The following SKI variants were observed in gnomAD, a reference collection of about 807,000 sequenced individuals.
The protein encoded by SKI is ski oncogene.
Under a neutral mutation model 59.3 loss-of-function variants are expected in SKI, and 23 were observed. That is an observed-to-expected ratio of 0.39 (90% CI 0.28 to 0.55). The LOEUF is 0.55. SKI is among the 20% of genes least tolerant of loss of function. The probability of loss-of-function intolerance (pLI) is 0.67; values close to 1 mark genes in which losing one functional copy is unlikely to be tolerated. For missense variants in SKI, 1,017 were observed against 1,038.9 expected, an observed-to-expected ratio of 0.98 and a Z score of 0.29; for synonymous variants, 673 against 488.6, an observed-to-expected ratio of 1.38 and a Z score of -4.98.
rs1233215789 is a variant in SKI, at chr1:2,229,659, C to T, written c.893C>T (p.Ala298Val). ...SQDYTGKEEQ[A>V]RLGRCLDDVK... ...GATTACACGGGCAAGGAGGAGCAGG[C>T]GCGCCTCGGCCGCTGCCTGGACGAC... Residue 298 changes from alanine to valine, a missense_variant, in exon 1 of 7, where the codon GCG becomes GTG. Ala to Val is a moderately conservative substitution (Grantham distance 64). Coordinates refer to ENST00000378536, the MANE Select transcript of SKI (RefSeq NM_003036.4). This position sits in a 1 kb window ranked among gnomAD's most constrained non-coding sequence, Gnocchi z 6.3. The T allele has an allele frequency of 6.2e-7, 1 of 1,610,794 alleles. No individual in the cohort carries two copies. The highest frequency in any genetic ancestry group is 1.1e-5 in the South Asian group (1 of 90,774).
rs1553201452 is a variant in SKI at position 2,306,442 on chromosome 1, A to AGCAGGTGGAGGAGGGGCCG, written c.1999-131_1999-113dup. ...CCTGCGTCTCGTGAGCCTGTGTCCT[A>AGCAGGTGGAGGAGGGGCCG]GCAGGTGGAGGAGGGGCCGGCACGC... On this transcript the variant is annotated intron_variant, in intron 6 of 6. Transcript: ENST00000378536. 24 of 1,039,004 alleles carry AGCAGGTGGAGGAGGGGCCG rather than the reference A, an allele frequency of 2.3e-5. No homozygotes were observed. The Admixed American group carries it at 4.4e-4, about 19-fold the overall frequency. The allele number at this position is 1,039,004 out of a possible 1,614,324, so 64.4% of individuals were successfully genotyped here.
At chr1:2,279,358 G>C (rs1401246997) in intron 1 of SKI, among the ~76,000 whole-genome samples, 1 of 152,158 alleles carries the variant, frequency 6.6e-6, no homozygotes, top group African/African-American at 2.4e-5. Flanking sequence ...CCCTCTCGGG[G>C]CATCGCTTCA....
At chr1:2,279,811 T>TC (rs1639833094) in intron 1 of SKI, among the ~76,000 whole-genome samples, 1 of 152,180 alleles carries the variant, frequency 6.6e-6, no homozygotes, top group South Asian at 2.1e-4. Context: ...ACCTCAGCCT[T>TC]CCAAAGCACT....
rs148434258 is a variant in SKI, at chr1:2,261,739, G to A, written c.969+32004G>A. The stretch of plus-strand genomic sequence containing the variant: ...GTCTGGATGCTTTTTTATTTGTCCT[G>A]CTTAATGGCACCGGCTAGGGCCTCC... On this transcript the variant is annotated intron_variant, in intron 1 of 6. Transcript: ENST00000378536. Among the ~76,000 whole-genome samples the A allele has an allele frequency of 7.3e-3, 1,105 of 152,356 alleles. 8 individuals are homozygous for A. The highest frequency in any genetic ancestry group is 0.027 in the Middle Eastern group (8 of 294).
At chr1:2,272,518 C>T (rs1639647460) in intron 1 of SKI, among the ~76,000 whole-genome samples, 1 of 152,320 alleles carries the variant, frequency 6.6e-6, no homozygotes, top group South Asian at 2.1e-4. Context: ...GCCTCCTTCC[C>T]CCACAGGCTA....
chr1:2,267,155 G>A lies in SKI; in HGVS notation c.970-35823G>A, dbSNP rs554604230. ...AAGTGCCATGATTTTGACTATTCAG[G>A]CGAGCAACTGCATCGAGCCAGCACT... On this transcript the variant is annotated intron_variant, in intron 1 of 6. Transcript: ENST00000378536. This position sits in a 1 kb window ranked among gnomAD's most constrained non-coding sequence, Gnocchi z 4.1. Among the ~76,000 whole-genome samples, 4 of 152,218 alleles carry A rather than the reference G, an allele frequency of 2.6e-5. No homozygotes were observed. In the South Asian group the frequency reaches 8.3e-4, roughly 32 times the overall value.
chr1:2,303,627 C>T lies in SKI; in HGVS notation c.1212-213C>T, dbSNP rs1007692240. ...GTGGAGCCCTGTCTGCTGGGCGCAG[C>T]TTCTTGATGTGTTGGCCTGTGTCTG... On this transcript the variant is annotated intron_variant, in intron 3 of 6. Coordinates refer to ENST00000378536, the MANE Select transcript of SKI (RefSeq NM_003036.4). The surrounding 1 kb of genome is among the most constrained non-coding windows in gnomAD (Gnocchi z 5.6). 2.1e-5 allele frequency: 15 copies of T among 722,640 alleles called. No homozygotes were observed. The highest frequency in any genetic ancestry group is 3.0e-5 in the Non-Finnish European group (13 of 439,894). 44.8% of individuals were successfully genotyped at this position (722,640 alleles called of 1,614,324 possible).
At chr1:2,246,603 G>C (rs1456252837) in intron 1 of SKI, among the ~76,000 whole-genome samples, 1 of 152,196 alleles carries the variant, frequency 6.6e-6, no homozygotes, top group Non-Finnish European at 1.5e-5. Flanking sequence ...GTGCAGCGCT[G>C]TCTGCAAGTC....
rs184610199 is a variant in SKI at position 2,244,058 on chromosome 1, C to T, written c.969+14323C>T. On this transcript the variant is annotated intron_variant, in intron 1 of 6. Coordinates refer to ENST00000378536, the MANE Select transcript of SKI (RefSeq NM_003036.4). ...TCGGCTCATTGCAAGCTCCGCCTCC[C>T]GGGTTCATCCCATTCTCCTGCCTCA... 1.6e-3 allele frequency among the ~76,000 whole-genome samples: 237 copies of T among 152,140 alleles called. 1 individual carries two copies. Among genetic ancestry groups the T allele is most frequent in the African/African-American group, 4.8e-3 (200 of 41,528 alleles).
intron 1 of SKI, among the ~76,000 whole-genome samples, chr1:2,296,674 GCTGT>G (rs1269997799): frequency 2.0e-5 from 3 of 152,056 alleles, no homozygotes; most frequent in Non-Finnish European, 4.4e-5. Context: ...CATCCTGTGG[GCTGT>G]CTTTTCCCTT....
chr1:2,259,730 G>C (rs530531421), intron 1 of SKI, among the ~76,000 whole-genome samples: 1 of 152,188 alleles, frequency 6.6e-6, no homozygotes, highest in African/African-American at 2.4e-5. Context: ...GGCTGCAGCA[G>C]TCTGCTTTTG....
intron 1 of SKI, among the ~76,000 whole-genome samples, chr1:2,278,107 G>A (rs1246998260): frequency 6.6e-6 from 1 of 152,240 alleles, no homozygotes; most frequent in Non-Finnish European, 1.5e-5. Context: ...GGCACTTGGG[G>A]TGGGGCCACA....
rs375971575 is a variant in SKI, at chr1:2,254,250, C to T, written c.969+24515C>T. Among the ~76,000 whole-genome samples the T allele has an allele frequency of 2.6e-4, 39 of 152,314 alleles. 2 individuals are homozygous for T. The highest frequency in any genetic ancestry group is 2.5e-3 in the Admixed American group (38 of 15,304). ...TAGAGGAGGCCACGACCTGCTGGTG[C>T]GCCTGCAAGAGTGCTGGCCCAACTG... On this transcript the variant is annotated intron_variant, in intron 1 of 6. Coordinates refer to ENST00000378536, the MANE Select transcript of SKI (RefSeq NM_003036.4).
intron 1 of SKI, among the ~76,000 whole-genome samples, chr1:2,280,470 A>C (rs1012726842): frequency 6.6e-6 from 1 of 151,932 alleles, no homozygotes; most frequent in African/African-American, 2.4e-5. Flanking sequence ...AAGTGCAGTG[A>C]CCGGACATTA....
Position 2,293,286 on chromosome 1 carries a change from C to T in SKI, c.970-9692C>T, listed in dbSNP as rs12049182. Among the ~76,000 whole-genome samples the T allele has an allele frequency of 8.2e-3, 1,256 of 152,264 alleles. 47 individuals carry two copies. The highest frequency in any genetic ancestry group is 0.073 in the East Asian group (376 of 5,164). ...ACCTGAGGTTCGTGGTGGGATCCAC[C>T]GGCGTGGCCCTGGGTGGCTGCCCTG... On this transcript the variant is annotated intron_variant, in intron 1 of 6. Transcript: ENST00000378536.
chr1:2,242,626 T>C lies in SKI; in HGVS notation c.969+12891T>C, dbSNP rs376487552. ...CTTTGACATCTTGGGCTCAAGAGAT[T>C]CTCCCGCCTCAGCTTCCTGAGTAGC... is the stretch of plus-strand genomic sequence containing the variant. On this transcript the variant is annotated intron_variant, in intron 1 of 6. Coordinates refer to ENST00000378536, the MANE Select transcript of SKI (RefSeq NM_003036.4). 6.6e-5 allele frequency among the ~76,000 whole-genome samples: 10 copies of C among 152,270 alleles called. 1 individual carries two copies. Among genetic ancestry groups the C allele is most frequent in the African/African-American group, 2.2e-4 (9 of 41,530 alleles).
intron 1 of SKI, among the ~76,000 whole-genome samples, chr1:2,274,811 G>A (rs751417776): frequency 5.9e-5 from 9 of 152,340 alleles, no homozygotes; most frequent in South Asian, 4.1e-4. Context: ...GAGGAGGGCC[G>A]GCTGCTGCCC....
At chr1:2,244,963 A>G (rs1290830679) in intron 1 of SKI, among the ~76,000 whole-genome samples, 1 of 152,238 alleles carries the variant, frequency 6.6e-6, no homozygotes, top group Non-Finnish European at 1.5e-5. Flanking sequence ...GGTCGAATCA[A>G]CTGGAAGATC....
At chr1:2,271,732 G>A (rs546762840) in intron 1 of SKI, among the ~76,000 whole-genome samples, 51 of 152,154 alleles carry the variant, frequency 3.4e-4, no homozygotes, top group African/African-American at 1.1e-3. Flanking sequence ...GGGGGGTAGG[G>A]GGCTTTTGGT....
Sources: allele counts gnomAD v4.1 joint callset (sites outside exome capture counted in the v4.1 genomes callset), GRCh38; gene constraint gnomAD v4.1.1; non-coding constraint Gnocchi (gnomAD v3.1); transcripts MANE v1.5; gene names NCBI Gene and HGNC (gene_info 2026-07-23, HGNC 2026-07-21).